The following TENM1 variants were observed in gnomAD, a reference collection of about 807,000 sequenced individuals.
The protein encoded by TENM1 is teneurin-1.
A neutral mutation model predicts 174.8 loss-of-function variants in TENM1; 35 were observed. The observed-to-expected ratio is 0.20, with a 90% CI of 0.15 to 0.27. The LOEUF (loss-of-function observed/expected upper bound fraction) is 0.27, where lower values mean the gene tolerates loss of function less well. TENM1 is among the 10% of genes least tolerant of loss of function. TENM1 has a pLI of 1.00. For missense variants in TENM1, 1,633 were observed against 2,130.1 expected (o/e 0.77, Z 4.59); for synonymous variants, 781 against 798.7 (o/e 0.98, Z 0.37).
At chrX:125,104,035 G>A in the TENM1 span, among the ~76,000 whole-genome samples, 9 of 111,949 alleles carry the variant, frequency 8.0e-5, no homozygotes, top group Non-Finnish European at 1.7e-4. Flanking sequence ...GCTAGGTTAT[G>A]ATGCACGTTA....
the TENM1 span, among the ~76,000 whole-genome samples, chrX:125,011,183 C>T: frequency 0.02 from 2,282 of 111,634 alleles, 71 homozygotes; most frequent in African/African-American, 0.07. Flanking sequence ...AAGATTAACT[C>T]GAGATGGATT....
chrX:124,860,268 A>T (rs889126795), intron 3 of TENM1, among the ~76,000 whole-genome samples: 1 of 112,086 alleles, frequency 8.9e-6, no homozygotes, highest in Admixed American at 9.5e-5. Context: ...TCAACTGAGC[A>T]CTTAACCCAC....
At chrX:124,536,170 C>T (rs533509119) in intron 15 of TENM1, among the ~76,000 whole-genome samples, 3 of 111,694 alleles carry the variant, frequency 2.7e-5, no homozygotes, top group Non-Finnish European at 5.6e-5. Context: ...CCTTACAACA[C>T]GTGCTACTTT....
At chrX:125,018,699 T>C in the TENM1 span, among the ~76,000 whole-genome samples, 4 of 111,454 alleles carry the variant, frequency 3.6e-5, no homozygotes, top group Non-Finnish European at 7.6e-5. Context: ...ATTTTTCATC[T>C]AGGGGTACCG....
chrX:124,524,055 T>C (rs929322820), intron 16 of TENM1, among the ~76,000 whole-genome samples: 10 of 109,771 alleles, frequency 9.1e-5, no homozygotes, highest in Non-Finnish European at 1.9e-4. Context: ...TTGTATTCTT[T>C]AGTAGGCATG....
At chrX:124,680,850 T>C (rs1168208981) in intron 5 of TENM1, among the ~76,000 whole-genome samples, 1 of 110,404 alleles carries the variant, frequency 9.1e-6, no homozygotes, top group Non-Finnish European at 1.9e-5. Flanking sequence ...ATGATGGGAG[T>C]TTCTCAGATT....
intron 8 of TENM1, among the ~76,000 whole-genome samples, chrX:124,648,742 C>T (rs780103016): frequency 7.2e-5 from 8 of 111,823 alleles, no homozygotes; most frequent in Middle Eastern, 9.1e-3. Flanking sequence ...TAGTAGAAGG[C>T]CATAGAGGAA....
chrX:125,143,992 T>G, the TENM1 span, among the ~76,000 whole-genome samples: 1 of 112,039 alleles, frequency 8.9e-6, no homozygotes, highest in Non-Finnish European at 1.9e-5. Context: ...TAAAATGGTT[T>G]TGAATGGTTT....
chrX:124,501,829 G>T (rs2047337544), intron 19 of TENM1, among the ~76,000 whole-genome samples: 1 of 111,722 alleles, frequency 9.0e-6, no homozygotes, highest in South Asian at 3.8e-4. Context: ...TCCCAAGAGA[G>T]GTTTTCGTGT....
rs372856227 is a variant in TENM1 at position 124,387,822 on chromosome X, G to A, written c.5689-1758C>T. Among the ~76,000 whole-genome samples the A allele has an allele frequency of 5.3e-4, 59 of 111,959 alleles. No individual in the cohort carries two copies. In the South Asian group the frequency reaches 0.019, roughly 36 times the overall value. Reference sequence around the variant, plus strand: ...GTGAGTGCAGAAATCCTGTCAATTCGTCACTTGTGGACAACCTGCAGCTTG... The same window carrying A: ...GTGAGTGCAGAAATCCTGTCAATTCATCACTTGTGGACAACCTGCAGCTTG... On this transcript the variant is annotated intron_variant, in intron 28 of 31. Coordinates refer to ENST00000422452, the Ensembl canonical transcript of TENM1.
At chrX:124,563,663 C>A (rs1321157615) in intron 13 of TENM1, 86 bp downstream of exon 16, 3 of 754,023 alleles carry the variant, frequency 4.0e-6, no homozygotes, top group Admixed American at 3.3e-5. Context: ...AACACAAATG[C>A]CAAAAAACGC....
At chrX:125,168,503 C>T in the TENM1 span, among the ~76,000 whole-genome samples, 1 of 111,446 alleles carries the variant, frequency 9.0e-6, no homozygotes, top group East Asian at 2.8e-4. Context: ...GAACTTATAA[C>T]TTATTTCTAC....
chrX:124,536,240 C>A (rs2048203743), intron 15 of TENM1, among the ~76,000 whole-genome samples: 1 of 111,532 alleles, frequency 9.0e-6, no homozygotes, highest in Non-Finnish European at 1.9e-5. Context: ...ATAGCATAAA[C>A]CTATTTCCAT....
chrX:124,761,166 C>T (rs1428438854), intron 3 of TENM1, among the ~76,000 whole-genome samples: 2 of 110,843 alleles, frequency 1.8e-5, no homozygotes, highest in Non-Finnish European at 3.8e-5. Flanking sequence ...TTGGAAATAC[C>T]ATTTGACCCA....
At chrX:125,069,794 T>C in the TENM1 span, among the ~76,000 whole-genome samples, 2 of 111,615 alleles carry the variant, frequency 1.8e-5, no homozygotes, top group Non-Finnish European at 3.8e-5. Context: ...ATAAAAATAA[T>C]GATAGTTCTA....
intron 11 of TENM1, among the ~76,000 whole-genome samples, chrX:124,608,613 G>C (rs764984852): frequency 7.2e-5 from 8 of 111,058 alleles, no homozygotes; most frequent in African/African-American, 2.3e-4. Context: ...ACTCTATTTT[G>C]TCATTTAAAT....
chrX:125,079,013 T>C, the TENM1 span, among the ~76,000 whole-genome samples: 1 of 111,357 alleles, frequency 9.0e-6, no homozygotes, highest in Non-Finnish European at 1.9e-5. Flanking sequence ...TCTCCAGAGT[T>C]ACACAGGTAA....
chrX:125,055,218 T>C, the TENM1 span, among the ~76,000 whole-genome samples: 2 of 111,562 alleles, frequency 1.8e-5, no homozygotes, highest in East Asian at 5.7e-4. Context: ...TGTATGGTCA[T>C]TATTATTACG....
chrX:124,947,781 T>TA (rs1488113571), intron 1 of TENM1, among the ~76,000 whole-genome samples: 6 of 111,981 alleles, frequency 5.4e-5, no homozygotes, highest in African/African-American at 1.9e-4. Flanking sequence ...CCTATGAAGT[T>TA]AAGCCTCTTA....
Sources: allele counts gnomAD v4.1 joint callset (sites outside exome capture counted in the v4.1 genomes callset), GRCh38; gene constraint gnomAD v4.1.1; transcripts MANE v1.5; gene names NCBI Gene and HGNC (gene_info 2026-07-23, HGNC 2026-07-21).